Variants in DYM observed in about 807,000 individuals in gnomAD.
DYM encodes the protein dymeclin.
In DYM, 78 loss-of-function variants were observed where a neutral mutation model predicts 93.1. That is an observed-to-expected ratio of 0.84 (90% CI 0.70 to 1.01). The LOEUF is 1.01. DYM is among the 50% of genes least tolerant of loss of function. The pLI is 0.00. For synonymous variants in DYM, 321 were observed against 319.7 expected (o/e 1.00, Z -0.04); for missense variants, 789 against 845.0 (o/e 0.93, Z 0.82).
At chr18:49,328,689 T>C (rs1271662774) in intron 8 of DYM, among the ~76,000 whole-genome samples, 1 of 152,132 alleles carries the variant, frequency 6.6e-6, no homozygotes, top group Non-Finnish European at 1.5e-5. Context: ...AAAATGCTTA[T>C]CATCACTGGT....
At chr18:49,136,506 C>T (rs2083867066) in intron 15 of DYM, among the ~76,000 whole-genome samples, 1 of 152,070 alleles carries the variant, frequency 6.6e-6, no homozygotes, top group Non-Finnish European at 1.5e-5. Flanking sequence ...AAAACGGCTC[C>T]ACTTGGGAAT....
intron 15 of DYM, among the ~76,000 whole-genome samples, chr18:49,161,307 T>C (rs1233921031): frequency 1.3e-5 from 2 of 152,228 alleles, no homozygotes; most frequent in Non-Finnish European, 2.9e-5. Flanking sequence ...ACCTCCATGG[T>C]TGGCAAATAC....
At chr18:49,234,688 T>C (rs2144550385) in intron 13 of DYM, among the ~76,000 whole-genome samples, 1 of 152,304 alleles carries the variant, frequency 6.6e-6, no homozygotes, top group South Asian at 2.1e-4. Context: ...GTGAACATGT[T>C]ACATTACAGG....
chr18:49,252,297 T>G (rs539802594), intron 13 of DYM, among the ~76,000 whole-genome samples: 3 of 144,238 alleles, frequency 2.1e-5, no homozygotes, highest in African/African-American at 2.6e-5. Flanking sequence ...TGACTCACAG[T>G]CCAGCACAGC....
At chr18:49,183,013 C>G (rs985320361) in intron 14 of DYM, among the ~76,000 whole-genome samples, 1 of 152,184 alleles carries the variant, frequency 6.6e-6, no homozygotes, top group Admixed American at 6.5e-5. Context: ...TACGTAGAAA[C>G]TTAAGGAACA....
chr18:49,247,805 GA>G (rs775507641), intron 13 of DYM, among the ~76,000 whole-genome samples: 5 of 152,136 alleles, frequency 3.3e-5, no homozygotes, highest in Non-Finnish European at 7.4e-5. Flanking sequence ...TTTTCTACTG[GA>G]AACTTATAAA....
chr18:49,197,852 A>T (rs1267790870), intron 14 of DYM, among the ~76,000 whole-genome samples: 2 of 152,202 alleles, frequency 1.3e-5, no homozygotes, highest in African/African-American at 4.8e-5. Flanking sequence ...GCTACCAATG[A>T]CCTTCTTCAC....
chr18:49,086,433 G>C (rs1006449642), intron 17 of DYM, among the ~76,000 whole-genome samples: 1 of 152,190 alleles, frequency 6.6e-6, no homozygotes, highest in Non-Finnish European at 1.5e-5. Flanking sequence ...CACAAGAGCA[G>C]AGCCCTCATG....
chr18:49,165,782 G>A (rs1044178263), intron 14 of DYM, among the ~76,000 whole-genome samples: 2 of 152,068 alleles, frequency 1.3e-5, no homozygotes, highest in East Asian at 1.9e-4. Context: ...CTGAACGAAC[G>A]ATTTCTTTGA....
chr18:49,098,733 G>C (rs775541387), intron 16 of DYM, among the ~76,000 whole-genome samples: 65 of 152,174 alleles, frequency 4.3e-4, no homozygotes, highest in Admixed American at 1.0e-3. Flanking sequence ...CCCCATGTCG[G>C]ATTTTAAGTT....
intron 2 of DYM, among the ~76,000 whole-genome samples, chr18:49,403,772 T>C (rs557306973): frequency 1.3e-5 from 2 of 151,192 alleles, no homozygotes; most frequent in Non-Finnish European, 2.9e-5. Context: ...CCAGTGTCTA[T>C]TGTTCTCCTT....
intron 13 of DYM, among the ~76,000 whole-genome samples, chr18:49,221,529 G>A (rs1193322682): frequency 6.6e-6 from 1 of 152,076 alleles, no homozygotes; most frequent in Non-Finnish European, 1.5e-5. Flanking sequence ...ATGATAGACT[G>A]GATTAAGAAA....
chr18:49,385,695 CA>C (rs201624676), intron 3 of DYM, among the ~76,000 whole-genome samples: 14,218 of 137,054 alleles, frequency 0.1, 854 homozygotes, highest in East Asian at 0.32. Context: ...AACTCTGTCT[CA>C]AAAAAAAAAA....
intron 13 of DYM, among the ~76,000 whole-genome samples, chr18:49,210,975 G>A (rs1045246993): frequency 2.6e-5 from 4 of 152,178 alleles, no homozygotes; most frequent in South Asian, 2.1e-4. Flanking sequence ...TTTTCTTCAC[G>A]GTATTAGGAA....
At chr18:49,166,988 CCGTGTGTG>C (rs781368912) in intron 14 of DYM, among the ~76,000 whole-genome samples, 2 of 87,904 alleles carry the variant, frequency 2.3e-5, no homozygotes, top group African/African-American at 4.5e-5. Flanking sequence ...TTCTCACATT[CCGTGTGTG>C]TGTGTGTGTG....
Position 49,039,652 on chromosome 18 carries a change from T to C in DYM, c.*4403A>G, listed in dbSNP as rs578206370. On this transcript the variant is annotated 3_prime_UTR_variant, in exon 18 of 18. Coordinates refer to ENST00000675505, the MANE Select transcript of DYM (RefSeq NM_001353214.3). ...CCTCACCCTCAATTTTTCATCTTAC[T>C]CATTCTCTTTTCAGTTATTTCTAAT... 6.6e-6 allele frequency among the ~76,000 whole-genome samples: 1 copy of C among 152,088 alleles called. No homozygotes were observed. The highest frequency in any genetic ancestry group is 2.1e-4 in the South Asian group (1 of 4,818).
intron 15 of DYM, among the ~76,000 whole-genome samples, chr18:49,124,805 G>A (rs2082668030): frequency 6.6e-6 from 1 of 152,156 alleles, no homozygotes; most frequent in Non-Finnish European, 1.5e-5. Flanking sequence ...CATTTTACAT[G>A]ATATTGTATT....
At chr18:49,099,842 C>T (rs1291749491) in intron 16 of DYM, among the ~76,000 whole-genome samples, 1 of 152,180 alleles carries the variant, frequency 6.6e-6, no homozygotes, top group Non-Finnish European at 1.5e-5. Context: ...ACTGGTTCAT[C>T]ACTGTTTTTC....
intron 15 of DYM, among the ~76,000 whole-genome samples, chr18:49,145,098 C>CA (rs2084938360): frequency 4.7e-5 from 1 of 21,210 alleles, no homozygotes; most frequent in Admixed American, 6.2e-4. Flanking sequence ...GATCCCGTCT[C>CA]AAAAAAATTC....
Sources: gnomAD v4.1 joint callset for allele counts (sites outside exome capture counted in the v4.1 genomes callset) on GRCh38, gnomAD v4.1.1 for gene constraint, MANE v1.5 for transcripts, NCBI Gene and HGNC (gene_info 2026-07-23, HGNC 2026-07-21) for gene names.